Variants in ZDHHC14 observed in about 807,000 individuals in gnomAD.
ZDHHC14 encodes zDHHC palmitoyltransferase 14.
Under a neutral mutation model 47.7 loss-of-function variants are expected in ZDHHC14, and 16 were observed. The observed-to-expected ratio is 0.34, with a 90% CI of 0.23 to 0.51. The LOEUF (loss-of-function observed/expected upper bound fraction) is 0.51. Among genes scored for constraint, ZDHHC14 ranks in the 20% least tolerant of loss-of-function variants. The pLI is 0.97. For missense variants in ZDHHC14, 515 were observed against 662.5 expected (o/e 0.78, Z 2.44); for synonymous variants, 293 against 278.9 (o/e 1.05, Z -0.50).
intron 2 of ZDHHC14, among the ~76,000 whole-genome samples, chr6:157,579,424 G>A (rs754202429): frequency 2.1e-4 from 32 of 151,730 alleles, no homozygotes; most frequent in Non-Finnish European, 3.7e-4. Flanking sequence ...GTCTCAATCT[G>A]CTGACCTCGT....
chr6:157,626,315 C>A (rs1785413282), intron 3 of ZDHHC14, among the ~76,000 whole-genome samples: 1 of 152,112 alleles, frequency 6.6e-6, no homozygotes, highest in African/African-American at 2.4e-5. Flanking sequence ...CTCTCATGCC[C>A]ATTTTCTGTA....
intron 3 of ZDHHC14, among the ~76,000 whole-genome samples, chr6:157,602,105 G>A (rs35043437): frequency 6.6e-6 from 1 of 152,008 alleles, no homozygotes; most frequent in Non-Finnish European, 1.5e-5. Flanking sequence ...GGGAGGCTTA[G>A]GCAGGAGAAT....
At chr6:157,500,538 C>T (rs1170152591) in intron 1 of ZDHHC14, among the ~76,000 whole-genome samples, 1 of 152,090 alleles carries the variant, frequency 6.6e-6, no homozygotes, top group Non-Finnish European at 1.5e-5. Context: ...TGGACCAGGG[C>T]TCATGATGGA....
At chr6:157,605,623 T>C (rs1468606383) in intron 3 of ZDHHC14, among the ~76,000 whole-genome samples, 1 of 152,186 alleles carries the variant, frequency 6.6e-6, no homozygotes, top group Non-Finnish European at 1.5e-5. Flanking sequence ...TGAAGGTTCA[T>C]AACGGTTCAT....
Position 157,404,206 on chromosome 6 carries a change from G to A in ZDHHC14, c.245+21940G>A, listed in dbSNP as rs1036380079. Among the ~76,000 whole-genome samples the A allele has an allele frequency of 2.6e-5, 4 of 151,656 alleles. No homozygotes were observed. In the South Asian group the frequency reaches 6.2e-4, roughly 24 times the overall value. ...GGCTGGAGTGCAGTGGTGTGATCTCGGCTCACTGCAACCTCCACCTCCCAG... is the reference window on the plus strand; with the variant it reads ...GGCTGGAGTGCAGTGGTGTGATCTCAGCTCACTGCAACCTCCACCTCCCAG... On this transcript the variant is annotated intron_variant, in intron 1 of 8. Transcript: ENST00000359775.
chr6:157,424,002 CA>C (rs1405773538), intron 1 of ZDHHC14, among the ~76,000 whole-genome samples: 1 of 152,236 alleles, frequency 6.6e-6, no homozygotes, highest in East Asian at 1.9e-4. Flanking sequence ...AGCTGGGCCT[CA>C]ACTTGTCCCA....
chr6:157,542,326 T>G (rs762698729), intron 1 of ZDHHC14, among the ~76,000 whole-genome samples: 3 of 152,206 alleles, frequency 2.0e-5, no homozygotes, highest in Non-Finnish European at 2.9e-5. Context: ...CTATTTTCAT[T>G]CTTCTGCCAG....
chr6:157,573,667 C>T (rs144683129), intron 2 of ZDHHC14, among the ~76,000 whole-genome samples: 8,234 of 152,294 alleles, frequency 0.054, 288 homozygotes, highest in Non-Finnish European at 0.072. Flanking sequence ...ACCCCATGCC[C>T]TTCCCATCTT....
rs1778927233 is a variant in ZDHHC14 at position 157,674,115 on chromosome 6, A to G, written c.*993A>G. ...TTCTTAGATAAGAGGCAAGTTTTCC[A>G]TCATTTATTTTCTTTAATTATCTCT... On this transcript the variant is annotated 3_prime_UTR_variant, in exon 9 of 9. Coordinates refer to ENST00000359775, the MANE Select transcript of ZDHHC14 (RefSeq NM_024630.3). The G allele has an allele frequency of 6.6e-6, 1 of 152,582 alleles. No homozygotes were observed. Among genetic ancestry groups the G allele is most frequent in the Non-Finnish European group, 1.5e-5 (1 of 68,028 alleles). The allele number at this position is 152,582 out of a possible 1,614,324, so 9.5% of individuals were successfully genotyped here.
chr6:157,615,545 G>C (rs1419232663), intron 3 of ZDHHC14, among the ~76,000 whole-genome samples: 1 of 152,170 alleles, frequency 6.6e-6, no homozygotes, highest in African/African-American at 2.4e-5. Flanking sequence ...CGTAGTATTT[G>C]AGTTGGAAAT....
At chr6:157,669,638 A>G (rs887457364) in intron 8 of ZDHHC14, among the ~76,000 whole-genome samples, 2 of 152,386 alleles carry the variant, frequency 1.3e-5, no homozygotes, top group East Asian at 1.9e-4. Flanking sequence ...TCTTCAGGTC[A>G]ACAGAGACAA....
intron 2 of ZDHHC14, 26 bp from the exon 3 acceptor site, chr6:157,592,962 C>T (rs200194288): frequency 1.3e-5 from 20 of 1,597,680 alleles, no homozygotes; most frequent in Admixed American, 1.7e-5. Flanking sequence ...TGAAGGTGTG[C>T]GCTCTTTCTC....
At chr6:157,599,206 G>A (rs961853904) in intron 3 of ZDHHC14, among the ~76,000 whole-genome samples, 3 of 152,178 alleles carry the variant, frequency 2.0e-5, no homozygotes, top group African/African-American at 7.2e-5. Context: ...AGACTGTCGG[G>A]TTGCCGGTAG....
At chr6:157,637,077 G>T (rs544487289) in intron 5 of ZDHHC14, among the ~76,000 whole-genome samples, 1 of 152,338 alleles carries the variant, frequency 6.6e-6, no homozygotes, top group African/African-American at 2.4e-5. Context: ...CTACTGGATT[G>T]CTGTGTGTTT....
At chr6:157,471,490 G>A (rs1779354378) in intron 1 of ZDHHC14, among the ~76,000 whole-genome samples, 2 of 152,348 alleles carry the variant, frequency 1.3e-5, no homozygotes, top group African/African-American at 2.4e-5. Flanking sequence ...TCTTCACAGG[G>A]CAATTCCAGC....
intron 1 of ZDHHC14, among the ~76,000 whole-genome samples, chr6:157,452,605 C>G (rs922832733): frequency 6.6e-6 from 1 of 151,176 alleles, no homozygotes; most frequent in Non-Finnish European, 1.5e-5. Context: ...TCTATACTGC[C>G]AAGGAAATTG....
intron 1 of ZDHHC14, among the ~76,000 whole-genome samples, chr6:157,530,718 G>T (rs1781331675): frequency 6.6e-6 from 1 of 151,692 alleles, no homozygotes; most frequent in East Asian, 1.9e-4. Flanking sequence ...TAATTATTAT[G>T]TACTATTTTT....
chr6:157,597,768 C>T (rs1174518394), intron 3 of ZDHHC14, among the ~76,000 whole-genome samples: 2 of 152,246 alleles, frequency 1.3e-5, no homozygotes, highest in Non-Finnish European at 2.9e-5. Context: ...GCCATGCCAG[C>T]CCCTGGGGGG....
At position 157,631,509 on chromosome 6, in the gene ZDHHC14, G is replaced by A. The variant is rs1379119641; in HGVS notation, c.704-1325G>A. ...TTCAGGAAGGGCACAGGGTTTCCACGGCTCCTGTTACCCTCTTAAGCCTCA... is the reference window on the plus strand; with the variant it reads ...TTCAGGAAGGGCACAGGGTTTCCACAGCTCCTGTTACCCTCTTAAGCCTCA... On this transcript the variant is annotated intron_variant, in intron 4 of 8. Transcript: ENST00000359775. The A allele has an allele frequency of 3.3e-5, 5 of 152,098 alleles. No individual in the cohort carries two copies. In the East Asian group the frequency reaches 7.7e-4, roughly 23 times the overall value. The allele number at this position is 152,098 out of a possible 1,614,324, so 9.4% of individuals were successfully genotyped here. A position where few individuals can be genotyped will look rare whatever the true frequency, so the allele number is the denominator to read the frequency against.
Sources: gnomAD v4.1 joint callset for allele counts (sites outside exome capture counted in the v4.1 genomes callset) on GRCh38, gnomAD v4.1.1 for gene constraint, MANE v1.5 for transcripts, NCBI Gene and HGNC (gene_info 2026-07-23, HGNC 2026-07-21) for gene names.